Variants in ENTPD6 observed in about 807,000 individuals in gnomAD.
ENTPD6 encodes the protein ectonucleoside triphosphate diphosphohydrolase 6.
In ENTPD6, 46 loss-of-function variants were observed where a neutral mutation model predicts 61.5. That is an observed-to-expected ratio of 0.75 (90% CI 0.59 to 0.96). The LOEUF is 0.96. Ranked by LOEUF, ENTPD6 falls within the 40% of genes least tolerant of loss-of-function variation. The probability of loss-of-function intolerance (pLI) is 0.00; values close to 1 mark genes in which losing one functional copy is unlikely to be tolerated. For synonymous variants in ENTPD6, 252 were observed against 255.5 expected (o/e 0.99, Z 0.13); for missense variants, 612 against 629.0 (o/e 0.97, Z 0.29).
intron 8 of ENTPD6, among the ~76,000 whole-genome samples, chr20:25,217,220 T>A (rs1232989430): frequency 6.6e-6 from 1 of 152,108 alleles, no homozygotes; most frequent in African/African-American, 2.4e-5. Context: ...TTATGGGTAG[T>A]TTTCCATGGA....
At chr20:25,217,863 A>G (rs1365563294) in intron 9 of ENTPD6, among the ~76,000 whole-genome samples, 134 of 137,502 alleles carry the variant, frequency 9.7e-4, no homozygotes, top group South Asian at 1.2e-3. Flanking sequence ...TCTATAGTAT[A>G]CGCACATTAA....
Position 25,224,132 on chromosome 20 carries a change from G to A in ENTPD6, c.1218G>A (p.Gly406=), listed in dbSNP as rs1219305477. 6.2e-7 allele frequency: 1 copy of A among 1,612,390 alleles called. No homozygotes were observed. Among genetic ancestry groups the A allele is most frequent in the Admixed American group, 1.7e-5 (1 of 59,844 alleles). The change falls in exon 13 of 15, where the codon GGG becomes GGA. Residue 406 remains glycine (G), a synonymous_variant. Coordinates refer to ENST00000376652, the MANE Select transcript of ENTPD6 (RefSeq NM_001247.5). ...DAEKGGSLVV[G]DFEIAAKYVC... ...AGAAGGGAGGCAGCCTGGTGGTGGG[G>A]GACTTCGAGATCGCAGCCAAGTACG... is the stretch of plus-strand genomic sequence containing the variant.
In ENTPD6 at chr20:25,222,948, T is replaced by G. The variant is rs1568653978; in HGVS notation, c.1156T>G (p.Tyr386Asp). The change falls in exon 12 of 15, where the codon TAC (tyrosine) becomes GAC (aspartate). Residue 386 changes from tyrosine (Y) to aspartate (D), a missense_variant. Transcript: ENST00000376652. ...GGACTTCTATGCTTTCTCCTACTAT[T>G]ACGACCTTGCAGCTGGTGTGGGCCT... ...HVDFYAFSYY[Y>D]DLAAGVGLID... The G allele has an allele frequency of 4.4e-6, 7 of 1,608,580 alleles. No homozygotes were observed. In the Middle Eastern group the frequency reaches 6.7e-4, roughly 154 times the overall value.
chr20:25,197,728 A>G (rs901043213), intron 1 of ENTPD6, among the ~76,000 whole-genome samples: 1 of 152,236 alleles, frequency 6.6e-6, no homozygotes, highest in Admixed American at 6.5e-5. Flanking sequence ...ACCCTTGTGC[A>G]AGAGCAAGGC....
chr20:25,222,637 A>G, intron 11 of ENTPD6: 2 of 582,510 alleles, frequency 3.4e-6, no homozygotes, highest in Non-Finnish European at 5.8e-6. Context: ...CGCCGGGACC[A>G]ACAATGCCCT....
chr20:25,207,975 T>C (rs2091655697), intron 3 of ENTPD6, among the ~76,000 whole-genome samples: 1 of 152,136 alleles, frequency 6.6e-6, no homozygotes, highest in Non-Finnish European at 1.5e-5. Context: ...GTTCCTCTGC[T>C]CTCCAACCAC....
chr20:25,204,194 CCTG>C (rs1460128463), intron 1 of ENTPD6, among the ~76,000 whole-genome samples: 11 of 152,170 alleles, frequency 7.2e-5, no homozygotes, highest in Admixed American at 3.9e-4. Context: ...GGCCAGAACT[CCTG>C]CTCCTAAAAG....
Position 25,223,791 on chromosome 20 carries a change from T to C in ENTPD6, c.1187-310T>C, listed in dbSNP as rs187993861. The C allele has an allele frequency of 1.1e-3, 255 of 230,948 alleles. 3 individuals are homozygous for C. Among genetic ancestry groups the C allele is most frequent in the South Asian group, 1.7e-3 (10 of 5,890 alleles). 14.3% of individuals were successfully genotyped at this position (230,948 alleles called of 1,614,324 possible). ...TGGCTTCAGGAAACATTTCAATTTC[T>C]CTACTTTTATTTTTCTTAACTTAAA... On this transcript the variant is annotated intron_variant, in intron 12 of 14. Coordinates refer to ENST00000376652, the MANE Select transcript of ENTPD6 (RefSeq NM_001247.5).
chr20:25,209,000 T>C (rs1004804842), intron 3 of ENTPD6, among the ~76,000 whole-genome samples: 1 of 152,064 alleles, frequency 6.6e-6, no homozygotes, highest in African/African-American at 2.4e-5. Flanking sequence ...CACTGCAACC[T>C]CCGCCTCCTG....
At chr20:25,213,996 G>A (rs1158004994) in intron 5 of ENTPD6, among the ~76,000 whole-genome samples, 1 of 152,198 alleles carries the variant, frequency 6.6e-6, no homozygotes, top group Non-Finnish European at 1.5e-5. Context: ...ACTTGATCCT[G>A]GTCAGAAGTT....
Position 25,225,709 on chromosome 20 carries a change from T to C in ENTPD6, c.*112T>C. 1.2e-6 allele frequency: 1 copy of C among 846,768 alleles called. No individual in the cohort carries two copies. The highest frequency in any genetic ancestry group is 1.9e-6 in the Non-Finnish European group (1 of 526,700). The allele number at this position is 846,768 out of a possible 1,614,324, so 52.5% of individuals were successfully genotyped here. On this transcript the variant is annotated 3_prime_UTR_variant, in exon 15 of 15. Coordinates refer to ENST00000376652, the MANE Select transcript of ENTPD6 (RefSeq NM_001247.5). The stretch of plus-strand genomic sequence containing the variant: ...CACAGCACAGGCCGTGCTGGCACTT[T>C]CTGCACACTGGCTCTGGGACTTGCA...
rs2091603188 is a variant in ENTPD6, at chr20:25,207,462, C to T, written c.376+65C>T. 3.5e-6 allele frequency: 5 copies of T among 1,419,434 alleles called. No individual in the cohort carries two copies. The Admixed American group carries it at 7.3e-5, about 21-fold the overall frequency. The allele number at this position is 1,419,434 out of a possible 1,614,324, so 87.9% of individuals were successfully genotyped here. Reference sequence around the variant, plus strand: ...CCTGTGCTACAGTGTTGGCCGGGTCCCCTGCCACAGACTCACCTGGGAGCT... The same window carrying T: ...CCTGTGCTACAGTGTTGGCCGGGTCTCCTGCCACAGACTCACCTGGGAGCT... On this transcript the variant is annotated intron_variant, in intron 3 of 14. Coordinates refer to ENST00000376652, the MANE Select transcript of ENTPD6 (RefSeq NM_001247.5).
rs182067559 is a variant in ENTPD6, at chr20:25,207,064, C to A, written c.55-12C>A. The A allele has an allele frequency of 7.7e-5, 122 of 1,590,910 alleles. 1 individual carries two copies. The highest frequency in any genetic ancestry group is 2.4e-4 in the South Asian group (21 of 89,198). The stretch of plus-strand genomic sequence containing the variant: ...TAACGTGCTTTTCCTGCCTCTCCCC[C>A]CTTCCCACCAGCAGCCGCAGCACGG... On this transcript the variant is annotated splice_polypyrimidine_tract_variant and intron_variant, in intron 2 of 14. Coordinates refer to ENST00000376652, the MANE Select transcript of ENTPD6 (RefSeq NM_001247.5).
At chr20:25,206,623 G>T (rs45585339) in intron 2 of ENTPD6, 33 bp downstream of exon 2, 1 of 1,531,124 alleles carries the variant, frequency 6.5e-7, no homozygotes, top group Non-Finnish European at 9.1e-7. Flanking sequence ...TTGCCCAAGG[G>T]ACGGAGTTTA....
intron 1 of ENTPD6, 27 bp downstream of exon 1, chr20:25,195,894 G>A (rs1009559340): frequency 5.7e-6 from 7 of 1,231,330 alleles, no homozygotes; most frequent in African/African-American, 4.7e-5. Flanking sequence ...GGCGCTGGCG[G>A]GGGCGGCCGG....
rs759400545 is a variant in ENTPD6 at position 25,197,369 on chromosome 20, CTGTT to C, written c.-16+1505_-16+1508del. 61 of 412,620 alleles carry C rather than the reference CTGTT, an allele frequency of 1.5e-4. 3 individuals carry two copies. In the East Asian group the frequency reaches 8.7e-3, roughly 59 times the overall value. 25.6% of individuals were successfully genotyped at this position (412,620 alleles called of 1,614,324 possible). A position where few individuals can be genotyped will look rare whatever the true frequency, so the allele number is the denominator to read the frequency against. On this transcript the variant is annotated intron_variant, in intron 1 of 14. Transcript: ENST00000376652. ...TGGCCTCAGCAGGAGCCACACCTCT[CTGTT>C]TGCCTGTGTGCACCCTACTTCCTAC... is the stretch of plus-strand genomic sequence containing the variant.
chr20:25,215,481 TCAGGACAGTCGGCCATAGCTG>T (rs1265751784), intron 6 of ENTPD6, among the ~76,000 whole-genome samples, 174 bp from the exon 7 acceptor site: 1 of 152,178 alleles, frequency 6.6e-6, no homozygotes, highest in Non-Finnish European at 1.5e-5. Context: ...ATGCTGTGTC[TCAGGACAGTCGGCCATAGCTG>T]CTGGATTCAT....
At chr20:25,217,443 T>C (rs559350887) in intron 8 of ENTPD6, 59 bp from the exon 9 acceptor site, 3 of 1,491,970 alleles carry the variant, frequency 2.0e-6, no homozygotes, top group Admixed American at 3.4e-5. Context: ...ATTCAGTGGG[T>C]GGAGGAGAAT....
intron 10 of ENTPD6, 76 bp downstream of exon 10, chr20:25,218,690 G>T: frequency 7.0e-7 from 1 of 1,428,358 alleles, no homozygotes; most frequent in Non-Finnish European, 9.4e-7. Flanking sequence ...GGAGCCCCTC[G>T]GGAGGGCACC....
Sources: gnomAD v4.1 joint callset for allele counts (sites outside exome capture counted in the v4.1 genomes callset) on GRCh38, gnomAD v4.1.1 for gene constraint, MANE v1.5 for transcripts, NCBI Gene and HGNC (gene_info 2026-07-23, HGNC 2026-07-21) for gene names.